Variants in TBC1D4 observed in about 807,000 individuals in gnomAD.
The protein encoded by TBC1D4 is TBC (Tre-2, BUB2, CDC16) domain-containing protein.
In TBC1D4, 121 loss-of-function variants were observed where a neutral mutation model predicts 142.5. The ratio of observed to expected loss-of-function variants is 0.85; its 90% CI spans 0.73 to 0.99. TBC1D4 has a LOEUF of 0.99. TBC1D4 is among the 50% of genes least tolerant of loss of function. The pLI, the probability that TBC1D4 is intolerant of heterozygous loss-of-function variation, is 0.00. For synonymous variants in TBC1D4, 630 were observed against 628.2 expected (o/e 1.00, Z -0.04); for missense variants, 1,475 against 1,606.6 (o/e 0.92, Z 1.40).
chr13:75,465,283 G>A (rs553132955), intron 1 of TBC1D4, among the ~76,000 whole-genome samples: 2 of 152,270 alleles, frequency 1.3e-5, no homozygotes, highest in African/African-American at 4.8e-5. Context: ...GATACATGAA[G>A]CAGTGAATGC....
chr13:75,471,643 C>T (rs1416886988), intron 1 of TBC1D4, among the ~76,000 whole-genome samples: 2 of 151,406 alleles, frequency 1.3e-5, no homozygotes, highest in East Asian at 1.9e-4. Context: ...GATGCCGAGG[C>T]AGGAGAATTG....
Position 75,361,885 on chromosome 13 carries a change from G to A in TBC1D4, c.1080+141C>T, listed in dbSNP as rs566690907. 2.5e-5 allele frequency: 25 copies of A among 1,003,626 alleles called. No homozygotes were observed. In the Admixed American group the frequency reaches 2.6e-4, roughly 10 times the overall value. 62.2% of individuals were successfully genotyped at this position (1,003,626 alleles called of 1,614,324 possible). On this transcript the variant is annotated intron_variant, in intron 2 of 20. Transcript: ENST00000377636. ...TTTCCTCTGCACTCTTCCTCCACCT[G>A]CCTTATCTGCTTTGAAGGGGAAAAC...
chr13:75,364,072 C>A (rs539354724), intron 1 of TBC1D4, among the ~76,000 whole-genome samples: 1 of 152,152 alleles, frequency 6.6e-6, no homozygotes, highest in African/African-American at 2.4e-5. Flanking sequence ...TGGGAGAACT[C>A]AAAGGGGCAG....
intron 15 of TBC1D4, among the ~76,000 whole-genome samples, chr13:75,304,654 T>G (rs515465): frequency 0.66 from 100,529 of 151,902 alleles, 33,540 homozygotes; most frequent in East Asian, 0.77. Flanking sequence ...TAGGATGCTC[T>G]GGGCTTAAAG....
intron 1 of TBC1D4, among the ~76,000 whole-genome samples, chr13:75,415,248 T>C (rs1300824140): frequency 6.6e-6 from 1 of 152,044 alleles, no homozygotes; most frequent in Non-Finnish European, 1.5e-5. Context: ...GTTTTAGACA[T>C]ACTGAATTAG....
At chr13:75,454,320 T>C (rs1887644494) in intron 1 of TBC1D4, among the ~76,000 whole-genome samples, 1 of 152,202 alleles carries the variant, frequency 6.6e-6, no homozygotes, top group South Asian at 2.1e-4. Context: ...CTGGCCTCTA[T>C]TGTGACTTAT....
At chr13:75,480,753 G>A (rs1023675635) in intron 1 of TBC1D4, among the ~76,000 whole-genome samples, 1 of 152,184 alleles carries the variant, frequency 6.6e-6, no homozygotes, top group African/African-American at 2.4e-5. Flanking sequence ...AGACCTGCAG[G>A]TGCTGCTGCG....
At chr13:75,426,885 CAA>C (rs56281309) in intron 1 of TBC1D4, among the ~76,000 whole-genome samples, 176 of 137,884 alleles carry the variant, frequency 1.3e-3, no homozygotes, top group Middle Eastern at 3.6e-3. Context: ...GGAAAAAATA[CAA>C]AAAAAAAAAA....
chr13:75,427,473 C>T (rs1886425785), intron 1 of TBC1D4, among the ~76,000 whole-genome samples: 1 of 152,136 alleles, frequency 6.6e-6, no homozygotes, highest in Admixed American at 6.5e-5. Flanking sequence ...CCAGCCTAGA[C>T]TCAAGTTCAA....
At chr13:75,412,305 A>G (rs1173178014) in intron 1 of TBC1D4, among the ~76,000 whole-genome samples, 2 of 152,146 alleles carry the variant, frequency 1.3e-5, no homozygotes, top group East Asian at 3.9e-4. Flanking sequence ...TTCTTTTGAG[A>G]CAGAGTCTCC....
At chr13:75,328,241 T>C (rs1012277) in intron 8 of TBC1D4, among the ~76,000 whole-genome samples, 49,535 of 152,054 alleles carry the variant, frequency 0.33, 9,340 homozygotes, top group Non-Finnish European at 0.43. Context: ...ATTTATAGGA[T>C]TATAATAAAC....
Position 75,362,486 on chromosome 13 carries a change from C to A in TBC1D4, c.620G>T (p.Cys207Phe). 6.2e-7 allele frequency: 1 copy of A among 1,614,222 alleles called. No individual in the cohort carries two copies. Among genetic ancestry groups the A allele is most frequent in the Non-Finnish European group, 8.5e-7 (1 of 1,180,040 alleles). ...YNSQKFEVLY[C>F]GKVTVTHKKA... ...CTTGTGGGTCACGGTCACCTTTCCA[C>A]AGTACAGGACTTCGAACTTCTGAGA... Residue 207 changes from cysteine (C) to phenylalanine (F), a missense_variant, in exon 2 of 21, where the codon TGT (cysteine) becomes TTT (phenylalanine). By Grantham distance (205) the Cys-to-Phe change is radical (BLOSUM62 -2). Transcript: ENST00000377636. This position sits in a 1 kb window ranked among gnomAD's most constrained non-coding sequence, Gnocchi z 4.2.
chr13:75,314,245 AC>A (rs1419463371), intron 12 of TBC1D4, among the ~76,000 whole-genome samples: 1 of 152,170 alleles, frequency 6.6e-6, no homozygotes, highest in Non-Finnish European at 1.5e-5. Context: ...CAATAAGGAT[AC>A]CAATATTTAC....
At chr13:75,298,276 C>T (rs1037307402) in intron 17 of TBC1D4, among the ~76,000 whole-genome samples, 2 of 152,154 alleles carry the variant, frequency 1.3e-5, no homozygotes, top group Non-Finnish European at 2.9e-5. Context: ...AATTGCCAGG[C>T]AGTGGTTGTT....
intron 1 of TBC1D4, among the ~76,000 whole-genome samples, chr13:75,410,106 T>A (rs1885562832): frequency 6.6e-6 from 1 of 152,350 alleles, no homozygotes; most frequent in African/African-American, 2.4e-5. Context: ...GAGGTTTAAA[T>A]AAGCTAATGT....
intron 1 of TBC1D4, chr13:75,375,919 G>C (rs1383702350): frequency 6.6e-6 from 1 of 152,066 alleles, no homozygotes; most frequent in Admixed American, 6.5e-5. Flanking sequence ...CTTGACTCTA[G>C]ATAGCCATTT....
intron 17 of TBC1D4, 84 bp downstream of exon 17, chr13:75,299,246 A>T: frequency 6.3e-7 from 1 of 1,598,348 alleles, no homozygotes; most frequent in Non-Finnish European, 8.5e-7. Flanking sequence ...ACATTTCTTT[A>T]AATCTGAACT....
chr13:75,315,553 T>G (rs1394795475), intron 12 of TBC1D4, among the ~76,000 whole-genome samples: 1 of 151,994 alleles, frequency 6.6e-6, no homozygotes, highest in Non-Finnish European at 1.5e-5. Flanking sequence ...GTTGAAGTAC[T>G]CATTATCTTC....
rs368079619 is a variant in TBC1D4 at position 75,410,922 on chromosome 13, C to T, written c.499-48315G>A. On this transcript the variant is annotated intron_variant, in intron 1 of 20. Coordinates refer to ENST00000377636, the MANE Select transcript of TBC1D4 (RefSeq NM_014832.5). ...CTGCACTCCAGCCTGGGCGACAGAGCGAGACTCCGTCTCAAAAAAAAAAAA... is the reference window on the plus strand; with the variant it reads ...CTGCACTCCAGCCTGGGCGACAGAGTGAGACTCCGTCTCAAAAAAAAAAAA... Among the ~76,000 whole-genome samples the T allele has an allele frequency of 5.0e-5, 5 of 99,052 alleles. No homozygotes were observed. The East Asian group carries it at 1.7e-3, about 33-fold the overall frequency. The allele number at this position is 99,052 out of a possible 152,430, so 65.0% of individuals were successfully genotyped here. A position where few individuals can be genotyped will look rare whatever the true frequency, so the allele number is the denominator to read the frequency against.
Sources: gnomAD v4.1 joint callset for allele counts (sites outside exome capture counted in the v4.1 genomes callset) on GRCh38, gnomAD v4.1.1 for gene constraint, Gnocchi (gnomAD v3.1) non-coding constraint, MANE v1.5 for transcripts, NCBI Gene and HGNC (gene_info 2026-07-23, HGNC 2026-07-21) for gene names.